Variants in RPS6KA2 observed in about 807,000 individuals in gnomAD.
RPS6KA2 encodes ribosomal protein S6 kinase alpha-2.
In RPS6KA2, 42 loss-of-function variants were observed where a neutral mutation model predicts 91.8. That is an observed-to-expected ratio of 0.46 (90% CI 0.36 to 0.59). The LOEUF is 0.59. RPS6KA2 is among the 20% of genes least tolerant of loss of function. The pLI is 0.00. For missense variants in RPS6KA2, 798 were observed against 978.5 expected (o/e 0.82, Z 2.46); for synonymous variants, 414 against 393.6 (o/e 1.05, Z -0.61).
At chr6:166,478,972 G>A (rs1408902030) in intron 10 of RPS6KA2, among the ~76,000 whole-genome samples, 6 of 152,200 alleles carry the variant, frequency 3.9e-5, no homozygotes, top group East Asian at 1.9e-4. Flanking sequence ...GGTGCGTGGC[G>A]TGGGTCTGAG....
chr6:166,592,069 A>G (rs971026782), intron 1 of RPS6KA2, among the ~76,000 whole-genome samples: 4 of 152,250 alleles, frequency 2.6e-5, no homozygotes, highest in African/African-American at 9.6e-5. Flanking sequence ...AGTGAACCAG[A>G]AAGTTCTCAG....
At chr6:166,656,840 G>A (rs2128555894) in intron 2 of RPS6KA2, among the ~76,000 whole-genome samples, 1 of 152,268 alleles carries the variant, frequency 6.6e-6, no homozygotes, top group South Asian at 2.1e-4. Flanking sequence ...GATTCACCGC[G>A]GTGCATGTGA....
At chr6:166,609,335 G>A (rs984967626) in intron 1 of RPS6KA2, among the ~76,000 whole-genome samples, 2 of 152,030 alleles carry the variant, frequency 1.3e-5, no homozygotes, top group South Asian at 2.1e-4. Flanking sequence ...ATCTACTTTC[G>A]GGGTTGTTAC....
chr6:166,636,732 T>G (rs575822424), intron 2 of RPS6KA2, among the ~76,000 whole-genome samples: 2 of 152,070 alleles, frequency 1.3e-5, no homozygotes, highest in Non-Finnish European at 2.9e-5. Flanking sequence ...ATAAAGACAT[T>G]GGGGAACGAG....
intron 1 of RPS6KA2, among the ~76,000 whole-genome samples, chr6:166,593,724 A>G (rs2128522514): frequency 6.6e-6 from 1 of 152,372 alleles, no homozygotes; most frequent in East Asian, 1.9e-4. Flanking sequence ...TCAGTAAGGA[A>G]GACAAATAGT....
Position 166,448,341 on chromosome 6 carries a change from G to A in RPS6KA2, c.1332+383C>T, listed in dbSNP as rs529572007. Among the ~76,000 whole-genome samples the A allele has an allele frequency of 4.9e-4, 74 of 152,128 alleles. 1 individual carries two copies. The South Asian group carries it at 0.014, about 29-fold the overall frequency. On this transcript the variant is annotated intron_variant, in intron 14 of 20. Transcript: ENST00000265678. This position sits in a 1 kb window ranked among gnomAD's most constrained non-coding sequence, Gnocchi z 4.7. ...CCCAAAACTTTTGCTCTTGGTGTATGTCATACACCAAGCTACGAAAGGTGC... is the reference window on the plus strand; with the variant it reads ...CCCAAAACTTTTGCTCTTGGTGTATATCATACACCAAGCTACGAAAGGTGC...
chr6:166,722,097 T>A (rs1790193996), intron 2 of RPS6KA2, among the ~76,000 whole-genome samples: 1 of 151,508 alleles, frequency 6.6e-6, no homozygotes, highest in African/African-American at 2.4e-5. Flanking sequence ...ATCAGAAAAA[T>A]TAGAAATATA....
At chr6:166,518,025 G>A (rs1229657870) in intron 3 of RPS6KA2, among the ~76,000 whole-genome samples, 3 of 152,078 alleles carry the variant, frequency 2.0e-5, no homozygotes, top group Non-Finnish European at 4.4e-5. Flanking sequence ...CTATATTTCT[G>A]TGTGTGTGTC....
intron 2 of RPS6KA2, among the ~76,000 whole-genome samples, chr6:166,759,256 C>A (rs1778104503): frequency 6.6e-6 from 1 of 152,184 alleles, no homozygotes. Flanking sequence ...TATAATGTAA[C>A]ATTTTTAGAA....
chr6:166,418,232 G>A lies in RPS6KA2; in HGVS notation c.1931C>T (p.Ala644Val). ...GCTGGGACATGTACTCACTTTAGCT[G>A]CGTCAGATATCGAGTCCCAGTTTCC... ...SGGNWDSISD[A>V]AKDVVSKMLH... Residue 644 changes from alanine (A) to valine (V), a missense_variant, in exon 19 of 21, where the codon GCA (alanine) becomes GTA (valine). By Grantham distance (64) the Ala-to-Val change is moderately conservative. Transcript: ENST00000265678. This position sits in a 1 kb window ranked among gnomAD's most constrained non-coding sequence, Gnocchi z 4.9. 1 of 1,600,690 alleles carries A rather than the reference G, an allele frequency of 6.2e-7. No individual in the cohort carries two copies. Among genetic ancestry groups the A allele is most frequent in the Non-Finnish European group, 8.6e-7 (1 of 1,168,524 alleles).
chr6:166,483,669 C>T (rs1172040417), intron 10 of RPS6KA2, among the ~76,000 whole-genome samples: 1 of 152,182 alleles, frequency 6.6e-6, no homozygotes, highest in Middle Eastern at 3.2e-3. Flanking sequence ...CTCAGAAACC[C>T]ACAGAGAAGG....
At position 166,854,160 on chromosome 6, in the gene RPS6KA2, C is replaced by T. The variant is rs1236239366; in HGVS notation, c.123+4040G>A. ...CACAAACTCCCCCACATCACTACTGCCTTCTTGAGGGAGGAGGCCGTTCCC... is the reference window on the plus strand; with the variant it reads ...CACAAACTCCCCCACATCACTACTGTCTTCTTGAGGGAGGAGGCCGTTCCC... On this transcript the variant is annotated intron_variant, in intron 2 of 21. Coordinates refer to the RPS6KA2 transcript ENST00000503859. Among the ~76,000 whole-genome samples, 3 of 152,318 alleles carry T rather than the reference C, an allele frequency of 2.0e-5. No individual in the cohort carries two copies. The South Asian group carries it at 6.2e-4, about 32-fold the overall frequency.
chr6:166,497,511 G>A (rs758568897), intron 8 of RPS6KA2, among the ~76,000 whole-genome samples: 1 of 152,248 alleles, frequency 6.6e-6, no homozygotes, highest in African/African-American at 2.4e-5. Context: ...GGAGAGGTGA[G>A]CAGCCCGTGC....
chr6:166,754,456 T>C (rs1201779008), intron 2 of RPS6KA2, among the ~76,000 whole-genome samples: 1 of 152,120 alleles, frequency 6.6e-6, no homozygotes, highest in Non-Finnish European at 1.5e-5. Context: ...TGAGCCTGCA[T>C]GGGACTGGTT....
intron 16 of RPS6KA2, among the ~76,000 whole-genome samples, chr6:166,426,338 C>T (rs1043483538): frequency 1.5e-5 from 2 of 134,264 alleles, no homozygotes; most frequent in African/African-American, 5.8e-5. Context: ...TAAATGCCCA[C>T]AAGAGAAAGG....
At chr6:166,536,276 G>GCATTGCA (rs1783475542) in intron 2 of RPS6KA2, among the ~76,000 whole-genome samples, 1 of 152,248 alleles carries the variant, frequency 6.6e-6, no homozygotes, top group African/African-American at 2.4e-5. Context: ...GTGGAAACCT[G>GCATTGCA]AAGAACAGGT....
rs775686668 is a variant in RPS6KA2 at position 166,825,277 on chromosome 6, C to T, written c.123+32923G>A. On this transcript the variant is annotated intron_variant, in intron 2 of 21. Transcript: ENST00000503859. This position sits in a 1 kb window ranked among gnomAD's most constrained non-coding sequence, Gnocchi z 4.1. ...GAATAAAAGGCAGGGCTGATGGTGC[C>T]GTGACTGCTGGGAATCCAGGGTACC... 6.6e-6 allele frequency among the ~76,000 whole-genome samples: 1 copy of T among 152,172 alleles called. No homozygotes were observed. Among genetic ancestry groups the T allele is most frequent in the Non-Finnish European group, 1.5e-5 (1 of 68,026 alleles).
At chr6:166,837,285 G>A (rs1420690053) in intron 2 of RPS6KA2, among the ~76,000 whole-genome samples, 1 of 152,092 alleles carries the variant, frequency 6.6e-6, no homozygotes, top group Non-Finnish European at 1.5e-5. Context: ...CCCCGGGGTG[G>A]AAGGCTCGGC....
chr6:166,465,671 C>A (rs1468199657), intron 11 of RPS6KA2, among the ~76,000 whole-genome samples: 4 of 152,224 alleles, frequency 2.6e-5, no homozygotes, highest in Non-Finnish European at 4.4e-5. Context: ...GTTAATTCCA[C>A]TCGCCCTCTT....
Sources: allele counts gnomAD v4.1 joint callset (sites outside exome capture counted in the v4.1 genomes callset), GRCh38; gene constraint gnomAD v4.1.1; non-coding constraint Gnocchi (gnomAD v3.1); transcripts MANE v1.5; gene names NCBI Gene and HGNC (gene_info 2026-07-23, HGNC 2026-07-21).